The following MACROD2 variants were observed in gnomAD, a reference collection of about 807,000 sequenced individuals.
The protein encoded by MACROD2 is mono-ADP ribosylhydrolase 2.
A neutral mutation model predicts 70.4 loss-of-function variants in MACROD2; 36 were observed. That is an observed-to-expected ratio of 0.51 (90% CI 0.39 to 0.68). MACROD2 has a LOEUF of 0.68. Among genes scored for constraint, MACROD2 ranks in the 30% least tolerant of loss-of-function variants. The pLI is 0.00. For synonymous variants in MACROD2, 172 were observed against 178.8 expected, an observed-to-expected ratio of 0.96 and a Z score of 0.30; for missense variants, 496 against 538.4, an observed-to-expected ratio of 0.92 and a Z score of 0.78.
chr20:14,888,927 G>C lies in MACROD2; in HGVS notation c.418+203968G>C, dbSNP rs187467848. 7.5e-3 allele frequency among the ~76,000 whole-genome samples: 1,136 copies of C among 152,086 alleles called. 8 individuals carry two copies. The highest frequency in any genetic ancestry group is 0.011 in the Non-Finnish European group (764 of 68,002). On this transcript the variant is annotated intron_variant, in intron 5 of 17. Transcript: ENST00000684519. ...TAAATAATAATCCTTCTTCATAGAG[G>C]GTTTTGCATGAATTTTGGGAGAAAA...
chr20:15,744,306 AT>A (rs2051147915), intron 8 of MACROD2, among the ~76,000 whole-genome samples: 1 of 152,110 alleles, frequency 6.6e-6, no homozygotes, highest in Non-Finnish European at 1.5e-5. Context: ...ACATAAAATC[AT>A]TTTTTCTGCT....
intron 3 of MACROD2, among the ~76,000 whole-genome samples, chr20:14,327,957 TA>T (rs1177207794): frequency 2.6e-5 from 4 of 152,082 alleles, no homozygotes; most frequent in African/African-American, 9.7e-5. Flanking sequence ...TATTATTTCT[TA>T]TATTTAAAGG....
chr20:14,803,738 C>T (rs890426967), intron 5 of MACROD2, among the ~76,000 whole-genome samples: 1 of 152,034 alleles, frequency 6.6e-6, no homozygotes, highest in African/African-American at 2.4e-5. Context: ...ACCTTGGCCT[C>T]CCAAAGTGCT....
intron 5 of MACROD2, among the ~76,000 whole-genome samples, chr20:14,689,481 CA>C (rs2071038366): frequency 6.6e-6 from 1 of 152,178 alleles, no homozygotes. Context: ...CTAATCCTCT[CA>C]AAATCCGATA....
rs1555774651 is a variant in MACROD2 at position 15,021,121 on chromosome 20, CGT to C, written c.419-208814_419-208813del. On this transcript the variant is annotated intron_variant, in intron 5 of 17. Transcript: ENST00000684519. ...GTGTATACACGTGTATGTGTATACA[CGT>C]GTGTATACACATACGTGTGTGTATA... Among the ~76,000 whole-genome samples the C allele has an allele frequency of 3.9e-5, 4 of 102,146 alleles. 1 individual carries two copies. Among genetic ancestry groups the C allele is most frequent in the Middle Eastern group, 6.0e-3 (1 of 168 alleles). The allele number at this position is 102,146 out of a possible 152,430, so 67.0% of individuals were successfully genotyped here. A position where few individuals can be genotyped will look rare whatever the true frequency, so the allele number is the denominator to read the frequency against.
chr20:14,075,174 A>C, intron 2 of MACROD2, among the ~76,000 whole-genome samples: 1 of 152,208 alleles, frequency 6.6e-6, no homozygotes, highest in East Asian at 1.9e-4. Flanking sequence ...ACTCAAAAAA[A>C]AATCGTATGT....
At chr20:14,719,484 AAAAG>A (rs1359750211) in intron 5 of MACROD2, among the ~76,000 whole-genome samples, 11 of 150,614 alleles carry the variant, frequency 7.3e-5, no homozygotes, top group African/African-American at 2.5e-4. Flanking sequence ...AAAAAAAAAA[AAAAG>A]AAAGAAAGAA....
intron 3 of MACROD2, among the ~76,000 whole-genome samples, chr20:14,309,319 C>T (rs1447399201): frequency 6.6e-6 from 1 of 151,888 alleles, no homozygotes; most frequent in African/African-American, 2.4e-5. Context: ...GAATTTAGTC[C>T]CTAGTTATGA....
chr20:14,861,261 C>A (rs1031153244), intron 5 of MACROD2, among the ~76,000 whole-genome samples: 2 of 152,022 alleles, frequency 1.3e-5, no homozygotes, highest in African/African-American at 4.8e-5. Flanking sequence ...GTTAATGGAG[C>A]CCAGTGAGCT....
intron 3 of MACROD2, among the ~76,000 whole-genome samples, chr20:14,162,316 T>C (rs1319590930): frequency 1.3e-5 from 2 of 152,210 alleles, no homozygotes; most frequent in African/African-American, 2.4e-5. Flanking sequence ...GAGTGTTCCA[T>C]GTGCTTATGA....
At chr20:14,893,639 T>C (rs2073791328) in intron 5 of MACROD2, 1 of 152,182 alleles carries the variant, frequency 6.6e-6, no homozygotes, top group Non-Finnish European at 1.5e-5. Context: ...TAAAATTTAA[T>C]ATTTTTAATA....
chr20:14,817,710 C>T (rs1176392485), intron 5 of MACROD2, among the ~76,000 whole-genome samples: 1 of 152,078 alleles, frequency 6.6e-6, no homozygotes. Flanking sequence ...AGAAAGGGGA[C>T]AGCAACTGAG....
In MACROD2 at chr20:15,729,453, G is replaced by T. The variant is rs539496710; in HGVS notation, c.646-133292G>T. ...CTGAATATCTTTGTTAGTTTTTTGC[G>T]TCAGTGATCTGTCTAATAATGTCAG... On this transcript the variant is annotated intron_variant, in intron 8 of 17. Transcript: ENST00000684519. Among the ~76,000 whole-genome samples, 18 of 152,126 alleles carry T rather than the reference G, an allele frequency of 1.2e-4. No individual in the cohort carries two copies. The South Asian group carries it at 1.5e-3, about 12-fold the overall frequency.
Position 15,295,088 on chromosome 20 carries a change from G to C in MACROD2, c.540+65027G>C, listed in dbSNP as rs147691559. On this transcript the variant is annotated intron_variant, in intron 6 of 17. Coordinates refer to ENST00000684519, the MANE Select transcript of MACROD2 (RefSeq NM_001351661.2). ...TCATGGGGGCAAATTTTCCCATGCTGTTTCATGGTAGTGAATAAGTCTTAT... is the reference window on the plus strand; with the variant it reads ...TCATGGGGGCAAATTTTCCCATGCTCTTTCATGGTAGTGAATAAGTCTTAT... Among the ~76,000 whole-genome samples the C allele has an allele frequency of 1.5e-3, 230 of 152,286 alleles. 1 individual carries two copies. Among genetic ancestry groups the C allele is most frequent in the Admixed American group, 0.013 (206 of 15,284 alleles).
intron 5 of MACROD2, among the ~76,000 whole-genome samples, chr20:14,685,398 CATGTAAAGGCTG>C (rs1314166812): frequency 1.3e-5 from 2 of 152,084 alleles, no homozygotes; most frequent in African/African-American, 4.8e-5. Flanking sequence ...TTCCAGCTGC[CATGTAAAGGCTG>C]ATTGGCAATT....
chr20:14,620,079 G>C (rs529069442), intron 4 of MACROD2, among the ~76,000 whole-genome samples: 1 of 152,256 alleles, frequency 6.6e-6, no homozygotes, highest in Admixed American at 6.5e-5. Flanking sequence ...AGAAAGTTGA[G>C]TAGTCATTAT....
chr20:15,658,708 T>G (rs1328626234), intron 8 of MACROD2, among the ~76,000 whole-genome samples: 1 of 152,202 alleles, frequency 6.6e-6, no homozygotes, highest in Non-Finnish European at 1.5e-5. Context: ...CCAAAGAAAC[T>G]TTCTTTTCCA....
chr20:15,468,160 C>T (rs1600455042), intron 7 of MACROD2, among the ~76,000 whole-genome samples: 1 of 152,006 alleles, frequency 6.6e-6, no homozygotes, highest in East Asian at 1.9e-4. Flanking sequence ...GACTAATGGC[C>T]AGTATCAGAA....
intron 15 of MACROD2, among the ~76,000 whole-genome samples, chr20:16,006,662 G>A (rs1281352469): frequency 1.3e-5 from 2 of 152,134 alleles, no homozygotes; most frequent in Non-Finnish European, 2.9e-5. Flanking sequence ...GATGTTAAGA[G>A]AGGGGCCCAG....
Sources: allele counts gnomAD v4.1 joint callset (sites outside exome capture counted in the v4.1 genomes callset), GRCh38; gene constraint gnomAD v4.1.1; transcripts MANE v1.5; gene names NCBI Gene and HGNC (gene_info 2026-07-23, HGNC 2026-07-21).